The following EFCAB6 variants were observed in gnomAD, a reference collection of about 807,000 sequenced individuals.
EFCAB6 encodes EF-hand calcium binding domain 6, also known as EF-hand calcium-binding domain-containing protein 6.
In EFCAB6, 156 loss-of-function variants were observed where a neutral mutation model predicts 169.8. The observed-to-expected ratio is 0.92, with a 90% CI of 0.81 to 1.05. The LOEUF (loss-of-function observed/expected upper bound fraction) is 1.05, where lower values mean the gene tolerates loss of function less well. EFCAB6 is among the 50% of genes least tolerant of loss of function. The probability of loss-of-function intolerance (pLI) is 0.00; values close to 1 mark genes in which losing one functional copy is unlikely to be tolerated. For synonymous variants in EFCAB6, 698 were observed against 676.4 expected (o/e 1.03, Z -0.50); for missense variants, 1,800 against 1,829.1 (o/e 0.98, Z 0.29).
At chr22:43,802,061 T>C (rs748598385) in intron 2 of EFCAB6, among the ~76,000 whole-genome samples, 1 of 152,134 alleles carries the variant, frequency 6.6e-6, no homozygotes, top group Non-Finnish European at 1.5e-5. Flanking sequence ...AGAGCAGGAA[T>C]AGCTTTACTT....
intron 19 of EFCAB6, among the ~76,000 whole-genome samples, chr22:43,631,460 C>T (rs901684586): frequency 9.2e-5 from 14 of 152,038 alleles, no homozygotes; most frequent in African/African-American, 3.1e-4. Context: ...TCATCTGTCC[C>T]GGCCTGGCTC....
Position 43,731,588 on chromosome 22 carries a change from A to G in EFCAB6, c.757+111T>C, listed in dbSNP as rs144321786. The G allele has an allele frequency of 3.7e-4, 218 of 593,424 alleles. No individual in the cohort carries two copies. The East Asian group carries it at 6.8e-3, about 19-fold the overall frequency. 36.8% of individuals were successfully genotyped at this position (593,424 alleles called of 1,614,324 possible). On this transcript the variant is annotated intron_variant, in intron 8 of 31. Transcript: ENST00000262726. Reference sequence around the variant, plus strand: ...AATGATACCATGGCTAGCTTTGTAGATAATGTATTTCCTATATTTGAAAGT... The same window carrying G: ...AATGATACCATGGCTAGCTTTGTAGGTAATGTATTTCCTATATTTGAAAGT...
At chr22:43,686,793 C>G (rs531877393) in intron 11 of EFCAB6, among the ~76,000 whole-genome samples, 13 of 152,084 alleles carry the variant, frequency 8.5e-5, no homozygotes, top group Non-Finnish European at 1.6e-4. Flanking sequence ...GATTATAAAG[C>G]CTGTTTTTTT....
chr22:43,614,325 C>T (rs1195795394), intron 21 of EFCAB6, among the ~76,000 whole-genome samples: 2 of 151,950 alleles, frequency 1.3e-5, no homozygotes, highest in African/African-American at 4.8e-5. Flanking sequence ...CAGAAACAGA[C>T]CCACATAATC....
chr22:43,617,276 C>T (rs558738113), intron 20 of EFCAB6, among the ~76,000 whole-genome samples: 1 of 152,224 alleles, frequency 6.6e-6, no homozygotes, highest in South Asian at 2.1e-4. Flanking sequence ...CACTTTTAGA[C>T]TCCTCCTAAA....
At chr22:43,636,079 C>T (rs187391854) in intron 17 of EFCAB6, among the ~76,000 whole-genome samples, 1 of 152,186 alleles carries the variant, frequency 6.6e-6, no homozygotes, top group Non-Finnish European at 1.5e-5. Flanking sequence ...AACACAGAAT[C>T]ACAGTTCTAA....
chr22:43,620,274 G>A (rs140304567), intron 20 of EFCAB6, among the ~76,000 whole-genome samples: 18 of 152,002 alleles, frequency 1.2e-4, no homozygotes, highest in Non-Finnish European at 1.0e-4. Context: ...GCACCACCAC[G>A]CTCCAGTCTG....
intron 6 of EFCAB6, among the ~76,000 whole-genome samples, chr22:43,750,278 C>T (rs1255287732): frequency 6.6e-6 from 1 of 152,024 alleles, no homozygotes; most frequent in Non-Finnish European, 1.5e-5. Flanking sequence ...TAATAAAATG[C>T]CAACGGATTA....
chr22:43,658,658 G>A (rs990086603), intron 17 of EFCAB6, among the ~76,000 whole-genome samples: 3 of 152,182 alleles, frequency 2.0e-5, no homozygotes, highest in Admixed American at 6.5e-5. Context: ...CTCAGGGAAC[G>A]TGCCCTTCGG....
Position 43,615,848 on chromosome 22 carries a change from T to A in EFCAB6, c.2540A>T (p.Asn847Ile), listed in dbSNP as rs540511013. Residue 847 changes from asparagine (N) to isoleucine (I), a missense_variant, in exon 21 of 32, where the codon AAC becomes ATC. Coordinates refer to ENST00000262726, the MANE Select transcript of EFCAB6 (RefSeq NM_022785.4). ...TACCTTAGACAAGTCTGACCATCTG[T>A]TTTTTGCTTTGGTAACAAGATACTG... ...AHQYLVTKAKNRWSDLSKNFL... is the reference protein window; with the variant it reads ...AHQYLVTKAKIRWSDLSKNFL... The A allele has an allele frequency of 1.2e-6, 2 of 1,613,580 alleles. No homozygotes were observed. Among genetic ancestry groups the A allele is most frequent in the South Asian group, 2.2e-5 (2 of 91,010 alleles).
rs2060118361 is a variant in EFCAB6 at position 43,735,844 on chromosome 22, T to A, written c.644+13A>T. 6.2e-7 allele frequency: 1 copy of A among 1,611,870 alleles called. No homozygotes were observed. The highest frequency in any genetic ancestry group is 8.5e-7 in the Non-Finnish European group (1 of 1,179,468). The stretch of plus-strand genomic sequence containing the variant: ...CTACTGAGCAATCTCTCACCGTGCC[T>A]TCATTTGCTTACTTTTCGTATTCCT... On this transcript the variant is annotated intron_variant, in intron 7 of 31. Transcript: ENST00000262726.
At chr22:43,663,292 C>T (rs1018982825) in intron 17 of EFCAB6, among the ~76,000 whole-genome samples, 5 of 152,138 alleles carry the variant, frequency 3.3e-5, no homozygotes, top group Admixed American at 6.5e-5. Flanking sequence ...TTTAACATTC[C>T]CAAGCCTTTA....
intron 2 of EFCAB6, among the ~76,000 whole-genome samples, chr22:43,787,839 C>G (rs1390430361): frequency 1.3e-5 from 2 of 151,932 alleles, no homozygotes; most frequent in African/African-American, 2.4e-5. Context: ...TTTATACTTC[C>G]CGATTTCAAA....
intron 27 of EFCAB6, among the ~76,000 whole-genome samples, chr22:43,544,202 C>T (rs1476117748): frequency 6.6e-6 from 1 of 152,136 alleles, no homozygotes; most frequent in Non-Finnish European, 1.5e-5. Flanking sequence ...TGCACCATTT[C>T]CTCTTCTTAA....
chr22:43,729,678 A>T (rs1207546808), intron 8 of EFCAB6, among the ~76,000 whole-genome samples: 1 of 152,234 alleles, frequency 6.6e-6, no homozygotes, highest in Non-Finnish European at 1.5e-5. Flanking sequence ...TCTCTATAAG[A>T]ACGTGAACTC....
intron 17 of EFCAB6, among the ~76,000 whole-genome samples, chr22:43,638,243 T>G (rs1465014822): frequency 6.6e-6 from 1 of 152,190 alleles, no homozygotes; most frequent in East Asian, 1.9e-4. Context: ...ATCATGACCC[T>G]TGGAGGCGAC....
In EFCAB6 at chr22:43,586,648, C is replaced by G. The variant is rs191764937; in HGVS notation, c.3032+3426G>C. Among the ~76,000 whole-genome samples the G allele has an allele frequency of 4.3e-3, 651 of 152,136 alleles. 4 individuals carry two copies. Among genetic ancestry groups the G allele is most frequent in the Middle Eastern group, 0.034 (10 of 294 alleles). On this transcript the variant is annotated intron_variant, in intron 24 of 31. Coordinates refer to ENST00000262726, the MANE Select transcript of EFCAB6 (RefSeq NM_022785.4). ...TTCCAGTTAAATAAAGTGGCTTGAACACACATATCTAGTTCTGTTACCACT... is the reference window on the plus strand; with the variant it reads ...TTCCAGTTAAATAAAGTGGCTTGAAGACACATATCTAGTTCTGTTACCACT...
chr22:43,604,262 A>G (rs996145277), intron 22 of EFCAB6, among the ~76,000 whole-genome samples: 1 of 152,218 alleles, frequency 6.6e-6, no homozygotes, highest in Non-Finnish European at 1.5e-5. Flanking sequence ...GGAGCTGAAC[A>G]TGCTCAAAGG....
intron 26 of EFCAB6, among the ~76,000 whole-genome samples, chr22:43,562,580 C>T (rs143603651): frequency 0.052 from 5,227 of 101,292 alleles, 424 homozygotes; most frequent in African/African-American, 0.09. Flanking sequence ...GGAGGCAGCC[C>T]GGTGGGGGGT....
Sources: gnomAD v4.1 joint callset for allele counts (sites outside exome capture counted in the v4.1 genomes callset) on GRCh38, gnomAD v4.1.1 for gene constraint, MANE v1.5 for transcripts, NCBI Gene and HGNC (gene_info 2026-07-23, HGNC 2026-07-21) for gene names.